The following PLCB1 variants were observed in gnomAD, a reference collection of about 807,000 sequenced individuals.
PLCB1 encodes the protein 1-phosphatidylinositol 4,5-bisphosphate phosphodiesterase beta-1.
Under a neutral mutation model 161.8 loss-of-function variants are expected in PLCB1, and 46 were observed. The ratio of observed to expected loss-of-function variants is 0.28; its 90% CI spans 0.22 to 0.36. The LOEUF is 0.36. PLCB1 is among the 10% of genes least tolerant of loss of function. PLCB1 has a pLI of 1.00. For missense variants in PLCB1, 1,016 were observed against 1,472.5 expected (o/e 0.69, Z 5.07); for synonymous variants, 517 against 503.7 (o/e 1.03, Z -0.35).
At chr20:8,667,095 G>A (rs779721280) in intron 9 of PLCB1, among the ~76,000 whole-genome samples, 2 of 152,084 alleles carry the variant, frequency 1.3e-5, no homozygotes, top group East Asian at 1.9e-4. Flanking sequence ...AAACAGAACC[G>A]ACGTGAATCA....
chr20:8,440,049 G>T (rs1980486857), intron 3 of PLCB1, among the ~76,000 whole-genome samples: 1 of 152,100 alleles, frequency 6.6e-6, no homozygotes, highest in Non-Finnish European at 1.5e-5. Context: ...TTAAACAAAA[G>T]GAATGAGAAG....
intron 3 of PLCB1, among the ~76,000 whole-genome samples, chr20:8,581,857 G>A (rs537172298): frequency 5.6e-4 from 86 of 152,304 alleles, no homozygotes; most frequent in Non-Finnish European, 8.4e-4. Context: ...TATGGAAAAT[G>A]AATCCAAATT....
chr20:8,584,983 C>T (rs1986945499), intron 3 of PLCB1, among the ~76,000 whole-genome samples: 1 of 152,172 alleles, frequency 6.6e-6, no homozygotes. Flanking sequence ...GCCACCACGC[C>T]TGGCCCTCAA....
intron 24 of PLCB1, among the ~76,000 whole-genome samples, chr20:8,757,484 C>G (rs1170025941): frequency 1.3e-5 from 2 of 152,176 alleles, no homozygotes; most frequent in Non-Finnish European, 2.9e-5. Flanking sequence ...CTCCAAGCAG[C>G]TTATAAACAA....
At chr20:8,825,265 T>A (rs909141661) in intron 31 of PLCB1, among the ~76,000 whole-genome samples, 1 of 152,188 alleles carries the variant, frequency 6.6e-6, no homozygotes, top group Non-Finnish European at 1.5e-5. Context: ...CCCAGACAAG[T>A]TATCTGAAAG....
At chr20:8,708,523 C>A in intron 11 of PLCB1, 147 bp from the exon 12 acceptor site, 2 of 590,702 alleles carry the variant, frequency 3.4e-6, no homozygotes, top group Non-Finnish European at 3.0e-6. Context: ...CGTCCAGCAG[C>A]CCTCAAAATC....
chr20:8,625,342 G>A (rs1319100656), intron 3 of PLCB1: 1 of 152,124 alleles, frequency 6.6e-6, no homozygotes, highest in East Asian at 1.9e-4. Flanking sequence ...TCTACCCCTT[G>A]CGTATCAATA....
chr20:8,509,333 ATCAAT>A (rs555825512), intron 3 of PLCB1, among the ~76,000 whole-genome samples: 34 of 152,364 alleles, frequency 2.2e-4, no homozygotes, highest in African/African-American at 7.9e-4. Flanking sequence ...GCATCCGAGC[ATCAAT>A]TCTTGTAAGA....
chr20:8,326,391 C>T (rs781272307), intron 2 of PLCB1, among the ~76,000 whole-genome samples: 5 of 152,158 alleles, frequency 3.3e-5, no homozygotes, highest in African/African-American at 4.8e-5. Flanking sequence ...TCCAGCCCAG[C>T]GCTTACAGCA....
chr20:8,881,374 G>A (rs1034708949), intron 31 of PLCB1, among the ~76,000 whole-genome samples: 9 of 127,324 alleles, frequency 7.1e-5, no homozygotes, highest in Non-Finnish European at 9.0e-5. Flanking sequence ...TGTAGATACC[G>A]CTATTCATCT....
intron 17 of PLCB1, among the ~76,000 whole-genome samples, chr20:8,728,820 G>T (rs1389235424): frequency 1.3e-5 from 2 of 151,874 alleles, no homozygotes; most frequent in Non-Finnish European, 2.9e-5. Flanking sequence ...TTGCATATTT[G>T]ATATTACTGA....
At chr20:8,676,415 GAAGAAAGA>G (rs200634850) in intron 9 of PLCB1, among the ~76,000 whole-genome samples, 14 of 144,600 alleles carry the variant, frequency 9.7e-5, no homozygotes, top group African/African-American at 2.8e-4. Flanking sequence ...GAAAGAAAGA[GAAGAAAGA>G]AAGAAAGAAA....
At chr20:8,644,928 C>G (rs1388404665) in intron 4 of PLCB1, among the ~76,000 whole-genome samples, 1 of 152,096 alleles carries the variant, frequency 6.6e-6, no homozygotes, top group Non-Finnish European at 1.5e-5. Context: ...AGATGGTTGC[C>G]CTGTCTGTGT....
chr20:8,533,217 C>T (rs1008927090), intron 3 of PLCB1, among the ~76,000 whole-genome samples: 90 of 151,962 alleles, frequency 5.9e-4, no homozygotes, highest in Non-Finnish European at 1.0e-3. Context: ...GGCTGCATAG[C>T]ATTCCATGGT....
chr20:8,141,922 A>G (rs2051408144), intron 1 of PLCB1: 2 of 152,198 alleles, frequency 1.3e-5, no homozygotes, highest in Admixed American at 1.3e-4. Context: ...GAACAAGAAT[A>G]TGGTAGACAT....
chr20:8,495,388 C>CTTTTTTTTTTTTT lies in PLCB1; in HGVS notation c.246+123953_246+123965dup, dbSNP rs869173548. ...TGTGGACTTTGCCTTACCTTCCTTT[C>CTTTTTTTTTTTTT]TTTTTTTTTTTTTTTTTTTTTTTTT... On this transcript the variant is annotated intron_variant, in intron 3 of 31. Transcript: ENST00000338037. Among the ~76,000 whole-genome samples, 198 of 94,348 alleles carry CTTTTTTTTTTTTT rather than the reference C, an allele frequency of 2.1e-3. 15 individuals are homozygous for CTTTTTTTTTTTTT. The highest frequency in any genetic ancestry group is 8.5e-3 in the African/African-American group (188 of 22,210). 61.9% of individuals were successfully genotyped at this position (94,348 alleles called of 152,430 possible).
At chr20:8,376,035 T>C (rs1360340901) in intron 3 of PLCB1, among the ~76,000 whole-genome samples, 1 of 151,880 alleles carries the variant, frequency 6.6e-6, no homozygotes, top group Non-Finnish European at 1.5e-5. Context: ...AGCTTCTTTA[T>C]GTGTGGCTTC....
At chr20:8,456,876 T>G (rs1262073027) in intron 3 of PLCB1, among the ~76,000 whole-genome samples, 1 of 152,128 alleles carries the variant, frequency 6.6e-6, no homozygotes, top group Non-Finnish European at 1.5e-5. Flanking sequence ...ACTAATGCCA[T>G]TCAGGAGGGA....
intron 3 of PLCB1, among the ~76,000 whole-genome samples, chr20:8,476,804 T>G (rs1030955215): frequency 2.0e-5 from 3 of 152,120 alleles, no homozygotes; most frequent in Non-Finnish European, 2.9e-5. Context: ...GATGGCTTTT[T>G]TGTGTGTGTG....
Sources: gnomAD v4.1 joint callset for allele counts (sites outside exome capture counted in the v4.1 genomes callset) on GRCh38, gnomAD v4.1.1 for gene constraint, MANE v1.5 for transcripts, NCBI Gene and HGNC (gene_info 2026-07-23, HGNC 2026-07-21) for gene names.